The following EPHA3 variants were observed in gnomAD, a reference collection of about 807,000 sequenced individuals.
EPHA3 encodes the protein ephrin type-A receptor 3.
Under a neutral mutation model 107.1 loss-of-function variants are expected in EPHA3, and 42 were observed. The ratio of observed to expected loss-of-function variants is 0.39; its 90% CI spans 0.31 to 0.51. The LOEUF is 0.51. Among genes scored for constraint, EPHA3 ranks in the 20% least tolerant of loss-of-function variants. The pLI is 0.78. For synonymous variants in EPHA3, 461 were observed against 424.8 expected, an observed-to-expected ratio of 1.09 and a Z score of -1.05; for missense variants, 1,183 against 1,211.2, an observed-to-expected ratio of 0.98 and a Z score of 0.35.
rs1387008905 is a variant in EPHA3 at position 89,407,334 on chromosome 3, A to G, written c.1660A>G (p.Ile554Val). Residue 554 changes from isoleucine (I) to valine (V), a missense_variant, in exon 8 of 17, where the codon ATT becomes GTT. Coordinates refer to ENST00000336596, the MANE Select transcript of EPHA3 (RefSeq NM_005233.6). ...CGCCATTTCAGCGGCAGTAGCAATT[A>G]TTCTCCTCACTGTTGTCATCTATGT... ...MIAISAAVAI[I>V]LLTVVIYVLI... 3 of 1,613,494 alleles carry G rather than the reference A, an allele frequency of 1.9e-6. No individual in the cohort carries two copies. Among genetic ancestry groups the G allele is most frequent in the Non-Finnish European group, 2.5e-6 (3 of 1,179,646 alleles).
chr3:89,335,557 G>A (rs755232179), intron 3 of EPHA3, among the ~76,000 whole-genome samples: 2 of 152,190 alleles, frequency 1.3e-5, no homozygotes, highest in African/African-American at 4.8e-5. Flanking sequence ...AATACAATTC[G>A]TAGCAAATCC....
intron 3 of EPHA3, among the ~76,000 whole-genome samples, chr3:89,320,045 G>A (rs959691092): frequency 6.6e-6 from 1 of 151,762 alleles, no homozygotes; most frequent in Non-Finnish European, 1.5e-5. Flanking sequence ...TCACAATTCT[G>A]AGCACAAGAC....
At chr3:89,327,398 A>T (rs748853488) in intron 3 of EPHA3, among the ~76,000 whole-genome samples, 13 of 152,164 alleles carry the variant, frequency 8.5e-5, no homozygotes, top group Non-Finnish European at 1.6e-4. Context: ...GAATACTTCC[A>T]TGAACTTGCC....
At chr3:89,190,299 T>C (rs920198184) in intron 2 of EPHA3, among the ~76,000 whole-genome samples, 1 of 152,206 alleles carries the variant, frequency 6.6e-6, no homozygotes, top group African/African-American at 2.4e-5. Context: ...AACTCTCTTA[T>C]TTTTCCTAAC....
At chr3:89,250,334 T>C (rs893735627) in intron 3 of EPHA3, among the ~76,000 whole-genome samples, 1 of 152,206 alleles carries the variant, frequency 6.6e-6, no homozygotes, top group Non-Finnish European at 1.5e-5. Context: ...TTCCATCATA[T>C]TTATTGCCCT....
intron 10 of EPHA3, among the ~76,000 whole-genome samples, chr3:89,418,310 T>G (rs112003963): frequency 6.6e-6 from 1 of 151,440 alleles, no homozygotes; most frequent in African/African-American, 2.4e-5. Flanking sequence ...GGACATTCTA[T>G]AGAACTCCCA....
chr3:89,298,176 A>T (rs1307456086), intron 3 of EPHA3, among the ~76,000 whole-genome samples: 1 of 152,192 alleles, frequency 6.6e-6, no homozygotes, highest in Non-Finnish European at 1.5e-5. Flanking sequence ...ACATTTGGAT[A>T]GTTCTTTCCC....
intron 3 of EPHA3, among the ~76,000 whole-genome samples, chr3:89,315,456 C>T (rs759450376): frequency 1.3e-5 from 2 of 151,646 alleles, no homozygotes; most frequent in Non-Finnish European, 2.9e-5. Context: ...CTCTTTTTGT[C>T]CTGTGGATGA....
intron 13 of EPHA3, among the ~76,000 whole-genome samples, chr3:89,440,775 T>A (rs1037410350): frequency 2.6e-5 from 4 of 152,206 alleles, no homozygotes; most frequent in African/African-American, 9.6e-5. Context: ...TTCCAGAGAA[T>A]CACTAGCATC....
At chr3:89,384,660 A>G (rs913941779) in intron 5 of EPHA3, among the ~76,000 whole-genome samples, 2 of 152,214 alleles carry the variant, frequency 1.3e-5, no homozygotes, top group Non-Finnish European at 2.9e-5. Context: ...TTCAGGTACA[A>G]TTGATGAAAA....
chr3:89,413,155 C>A lies in EPHA3; in HGVS notation c.1777C>A (p.Leu593Ile). The A allele has an allele frequency of 1.2e-6, 2 of 1,611,336 alleles. No homozygotes were observed. The highest frequency in any genetic ancestry group is 2.2e-5 in the South Asian group (2 of 91,016). The change falls in exon 10 of 17, where the codon CTC becomes ATC. Residue 593 changes from leucine to isoleucine, a missense_variant. Physicochemically the swap from Leu to Ile is conservative, Grantham distance 5. Transcript: ENST00000336596. The stretch of plus-strand genomic sequence containing the variant: ...TCCTCAAACAGTAAAACTTCCAGGT[C>A]TCAGGACTTATGTTGACCCACATAC... ...FGNGHLKLPG[L>I]RTYVDPHTYE...
intron 7 of EPHA3, among the ~76,000 whole-genome samples, chr3:89,403,117 G>A (rs1215541856): frequency 6.6e-6 from 1 of 152,162 alleles, no homozygotes; most frequent in Non-Finnish European, 1.5e-5. Context: ...GCAGAGCAGA[G>A]CACATATTGT....
At chr3:89,372,640 G>A (rs889041647) in intron 5 of EPHA3, among the ~76,000 whole-genome samples, 10 of 151,654 alleles carry the variant, frequency 6.6e-5, no homozygotes, top group African/African-American at 1.9e-4. Flanking sequence ...AAATTTGTTC[G>A]ACAAATGTGT....
At position 89,278,756 on chromosome 3, in the gene EPHA3, A is replaced by C. The variant is rs146734387; in HGVS notation, c.815-62160A>C. 5.3e-5 allele frequency among the ~76,000 whole-genome samples: 8 copies of C among 152,336 alleles called. No individual in the cohort carries two copies. The East Asian group carries it at 1.5e-3, about 29-fold the overall frequency. On this transcript the variant is annotated intron_variant, in intron 3 of 16. Transcript: ENST00000336596. The stretch of plus-strand genomic sequence containing the variant: ...AAGCTATCAACTTCTTGAGTAAAGC[A>C]TTTCTGACGACTAGGCCCATTGCCC...
intron 14 of EPHA3, 110 bp from the exon 15 acceptor site, chr3:89,450,067 C>A: frequency 9.2e-6 from 8 of 871,994 alleles, no homozygotes; most frequent in Non-Finnish European, 1.0e-5. Context: ...GAGAAGTTTT[C>A]CCACTTACCT....
At chr3:89,345,507 C>T (rs954428204) in intron 5 of EPHA3, among the ~76,000 whole-genome samples, 2 of 150,874 alleles carry the variant, frequency 1.3e-5, no homozygotes, top group African/African-American at 4.8e-5. Context: ...GTGCTTTATC[C>T]GTCCCACCCC....
chr3:89,280,570 G>T (rs1195603066), intron 3 of EPHA3, among the ~76,000 whole-genome samples: 1 of 152,102 alleles, frequency 6.6e-6, no homozygotes, highest in Non-Finnish European at 1.5e-5. Context: ...GTCACGTGTG[G>T]TATAATTGGG....
chr3:89,365,370 A>G (rs1576338225), intron 5 of EPHA3, among the ~76,000 whole-genome samples: 1 of 150,684 alleles, frequency 6.6e-6, no homozygotes, highest in Middle Eastern at 3.4e-3. Flanking sequence ...TTTTGGGGGG[A>G]TTTTGTTAGT....
At chr3:89,334,267 A>C (rs1707349954) in intron 3 of EPHA3, among the ~76,000 whole-genome samples, 1 of 152,254 alleles carries the variant, frequency 6.6e-6, no homozygotes, top group Non-Finnish European at 1.5e-5. Flanking sequence ...CTGCTAGAGG[A>C]AAGCACTGCA....
Sources: gnomAD v4.1 joint callset for allele counts (sites outside exome capture counted in the v4.1 genomes callset) on GRCh38, gnomAD v4.1.1 for gene constraint, MANE v1.5 for transcripts, NCBI Gene and HGNC (gene_info 2026-07-23, HGNC 2026-07-21) for gene names.